DSE: variants seen among roughly 807,000 people sequenced by gnomAD.
The protein encoded by DSE is dermatan sulfate epimerase, also known as dermatan-sulfate epimerase.
A neutral mutation model predicts 84.4 loss-of-function variants in DSE; 36 were observed. The observed-to-expected ratio is 0.43, with a 90% CI of 0.33 to 0.56. The LOEUF is 0.56. Among genes scored for constraint, DSE ranks in the 20% least tolerant of loss-of-function variants. The pLI is 0.06. For synonymous variants in DSE, 410 were observed against 430.1 expected, an observed-to-expected ratio of 0.95 and a Z score of 0.58; for missense variants, 862 against 1,169.6, an observed-to-expected ratio of 0.74 and a Z score of 3.84.
chr6:116,306,886 C>T (rs1775378002), intron 2 of DSE, among the ~76,000 whole-genome samples: 1 of 152,164 alleles, frequency 6.6e-6, no homozygotes, highest in Admixed American at 6.5e-5. Flanking sequence ...AGGGAGCCCT[C>T]CCCAGGAGCC....
At chr6:116,421,457 A>ATT (rs1783076816) in intron 2 of DSE, among the ~76,000 whole-genome samples, 1 of 75,802 alleles carries the variant, frequency 1.3e-5, no homozygotes, top group Non-Finnish European at 2.4e-5. Context: ...ATATATATAT[A>ATT]TATATATTTT....
intron 2 of DSE, among the ~76,000 whole-genome samples, chr6:116,425,466 T>G (rs1783370640): frequency 6.6e-6 from 1 of 152,234 alleles, no homozygotes; most frequent in Non-Finnish European, 1.5e-5. Flanking sequence ...GGTTAATTCC[T>G]TAGAATTCTG....
exon 1 of DSE, chr6:116,254,180 G>A (rs2114579900): frequency 1.3e-6 from 1 of 755,906 alleles, no homozygotes; most frequent in East Asian, 2.7e-5. Context: ...TCTCTGCGCG[G>A]TTGACTACGC....
chr6:116,301,996 T>A (rs763089201), intron 2 of DSE, among the ~76,000 whole-genome samples: 1 of 152,230 alleles, frequency 6.6e-6, no homozygotes, highest in Non-Finnish European at 1.5e-5. Flanking sequence ...TATTATTCCA[T>A]GATGTATATG....
In DSE at chr6:116,437,905, A is replaced by G. The variant is rs1784279400; in HGVS notation, c.*560A>G. ...TGTTTTACTACAGATCTGGATGGCT[A>G]TTCAGATAACATGGCAAAAAATGAT... On this transcript the variant is annotated 3_prime_UTR_variant, in exon 6 of 6. Transcript: ENST00000644252. 1 of 152,190 alleles carries G rather than the reference A, an allele frequency of 6.6e-6. No individual in the cohort carries two copies. Among genetic ancestry groups the G allele is most frequent in the Non-Finnish European group, 1.5e-5 (1 of 68,018 alleles). The allele number at this position is 152,190 out of a possible 1,614,324, so 9.4% of individuals were successfully genotyped here.
At position 116,338,291 on chromosome 6, in the gene DSE, C is replaced by T. The variant is rs765867189; in HGVS notation, c.-53-60907C>T. Among the ~76,000 whole-genome samples, 11 of 137,764 alleles carry T rather than the reference C, an allele frequency of 8.0e-5. No homozygotes were observed. In the East Asian group the frequency reaches 1.1e-3, roughly 14 times the overall value. The allele number at this position is 137,764 out of a possible 152,430, so 90.4% of individuals were successfully genotyped here. On this transcript the variant is annotated intron_variant, in intron 2 of 3. Transcript: ENST00000430252. Reference sequence around the variant, plus strand: ...AGGCTGGAGTGCAGTGGTGCAATCTCGGCTCACTGCAACCTCTGCCTCCCG... The same window carrying T: ...AGGCTGGAGTGCAGTGGTGCAATCTTGGCTCACTGCAACCTCTGCCTCCCG...
At chr6:116,382,035 TTCTG>T (rs1310413400) in intron 1 of DSE, among the ~76,000 whole-genome samples, 2 of 61,568 alleles carry the variant, frequency 3.2e-5, no homozygotes, top group Non-Finnish European at 6.5e-5. Flanking sequence ...TCACATGGCA[TTCTG>T]TGTGTGTGTG....
chr6:116,409,081 T>A (rs1257361899), intron 2 of DSE, among the ~76,000 whole-genome samples: 1 of 152,220 alleles, frequency 6.6e-6, no homozygotes, highest in African/African-American at 2.4e-5. Context: ...AATTTGGGGA[T>A]ATATATGATA....
Position 116,435,923 on chromosome 6 carries a change from G to A in DSE, c.1455G>A (p.Met485Ile), listed in dbSNP as rs1784122455. 7 of 1,614,134 alleles carry A rather than the reference G, an allele frequency of 4.3e-6. No individual in the cohort carries two copies. Among genetic ancestry groups the A allele is most frequent in the Non-Finnish European group, 5.9e-6 (7 of 1,180,016 alleles). ...ACACCTTCTTCAACAATGTTTTGAT[G>A]TTTTCCCCAGCTGTGTCAAAGAGCT... ...PKYTFFNNVL[M>I]FSPAVSKSCF... The change falls in exon 6 of 6, where the codon ATG becomes ATA. Residue 485 changes from methionine to isoleucine, a missense_variant. Coordinates refer to ENST00000644252, the MANE Select transcript of DSE (RefSeq NM_013352.4).
exon 2 of DSE, chr6:116,258,460 G>A: frequency 1.1e-6 from 1 of 896,084 alleles, no homozygotes. Context: ...GCCCTGAAGG[G>A]CAGACAGGTT....
chr6:116,370,107 GAA>G (rs1343029171), upstream of DSE: 4 of 432,446 alleles, frequency 9.2e-6, no homozygotes, highest in Non-Finnish European at 1.2e-5. Context: ...CTGATTTTTG[GAA>G]AACAGGAGGA....
rs11296951 is a variant in DSE, at chr6:116,397,207, C to CT, written c.-53-1971dup. 4.0e-3 allele frequency among the ~76,000 whole-genome samples: 417 copies of CT among 105,156 alleles called. 5 individuals carry two copies. Among genetic ancestry groups the CT allele is most frequent in the East Asian group, 0.018 (76 of 4,112 alleles). 69.0% of individuals were successfully genotyped at this position (105,156 alleles called of 152,430 possible). A position where few individuals can be genotyped will look rare whatever the true frequency, so the allele number is the denominator to read the frequency against. The stretch of plus-strand genomic sequence containing the variant: ...TAGCGGTATATTATTCTCTTTCTTT[C>CT]TTTTTTTTTTTTTTTTTTTTGAGAT... On this transcript the variant is annotated intron_variant, in intron 1 of 5. Coordinates refer to ENST00000644252, the MANE Select transcript of DSE (RefSeq NM_013352.4).
chr6:116,351,169 C>T (rs545259303), intron 2 of DSE, among the ~76,000 whole-genome samples: 28 of 152,274 alleles, frequency 1.8e-4, no homozygotes, highest in Non-Finnish European at 3.7e-4. Context: ...GCCATTATAA[C>T]TTTCCTGTAA....
intron 2 of DSE, among the ~76,000 whole-genome samples, chr6:116,403,397 TTTTAA>T (rs1781721551): frequency 1.3e-5 from 2 of 151,536 alleles, no homozygotes; most frequent in South Asian, 2.1e-4. Context: ...GCAATAATAA[TTTTAA>T]TTTAATAAAT....
chr6:116,391,827 G>A (rs1455587168), intron 1 of DSE, among the ~76,000 whole-genome samples: 4 of 151,232 alleles, frequency 2.6e-5, no homozygotes, highest in African/African-American at 7.3e-5. Flanking sequence ...CTGAGTCCAC[G>A]GGCTTTACAC....
At chr6:116,409,447 T>G (rs35363938) in intron 2 of DSE, among the ~76,000 whole-genome samples, 30,626 of 151,978 alleles carry the variant, frequency 0.2, 4,180 homozygotes, top group Middle Eastern at 0.33. Context: ...CTGGCTAATT[T>G]TTTGTATTTT....
intron 3 of DSE, 77 bp from the exon 4 acceptor site, chr6:116,430,877 G>A (rs1783788689): frequency 1.3e-6 from 2 of 1,564,850 alleles, no homozygotes; most frequent in Non-Finnish European, 8.6e-7. Context: ...ATAACTCAGA[G>A]GGTTTTATTG....
intron 2 of DSE, among the ~76,000 whole-genome samples, chr6:116,297,413 C>A (rs936867369): frequency 6.6e-6 from 1 of 152,100 alleles, no homozygotes; most frequent in Admixed American, 6.5e-5. Flanking sequence ...CCTTTTCCTA[C>A]CTCCACATGA....
At chr6:116,336,771 A>C (rs989182536) in intron 2 of DSE, among the ~76,000 whole-genome samples, 6 of 140,634 alleles carry the variant, frequency 4.3e-5, no homozygotes, top group Non-Finnish European at 9.4e-5. Flanking sequence ...AAAAAAAAAA[A>C]GGTAACATCA....
Sources: allele counts gnomAD v4.1 joint callset (sites outside exome capture counted in the v4.1 genomes callset), GRCh38; gene constraint gnomAD v4.1.1; transcripts MANE v1.5; gene names NCBI Gene and HGNC (gene_info 2026-07-23, HGNC 2026-07-21).